Variants in MKS1 observed in about 807,000 individuals in gnomAD.
The protein encoded by MKS1 is MKS transition zone complex subunit 1.
Under a neutral mutation model 83.7 loss-of-function variants are expected in MKS1, and 70 were observed. That is an observed-to-expected ratio of 0.84 (90% confidence interval 0.69 to 1.02). MKS1 has a LOEUF of 1.02. MKS1 is among the 50% of genes least tolerant of loss of function. The pLI is 0.00. For missense variants in MKS1, 681 were observed against 726.9 expected, an observed-to-expected ratio of 0.94 and a Z score of 0.73; for synonymous variants, 251 against 273.4, an observed-to-expected ratio of 0.92 and a Z score of 0.81.
rs1968818550 is a variant in MKS1 at position 58,210,656 on chromosome 17, T to C, written c.1024+3A>G. 1.2e-6 allele frequency: 2 copies of C among 1,612,522 alleles called. No individual in the cohort carries two copies. Among genetic ancestry groups the C allele is most frequent in the Admixed American group, 1.7e-5 (1 of 59,998 alleles). ...AAAGGAGAGACTTAAGAATATTACT[T>C]ACGAGCAGTTGGCAATTCTACAAAG... is the stretch of plus-strand genomic sequence containing the variant. On this transcript the variant is annotated splice_donor_region_variant and intron_variant, in intron 11 of 17. Transcript: ENST00000393119.
rs979320319 is a variant in MKS1, at chr17:58,209,842, G to C, written c.1024+817C>G. Among the ~76,000 whole-genome samples, 1 of 152,202 alleles carries C rather than the reference G, an allele frequency of 6.6e-6. No homozygotes were observed. The highest frequency in any genetic ancestry group is 2.4e-5 in the African/African-American group (1 of 41,454). On this transcript the variant is annotated intron_variant, in intron 11 of 17. Coordinates refer to ENST00000393119, the MANE Select transcript of MKS1 (RefSeq NM_017777.4). This position sits in a 1 kb window ranked among gnomAD's most constrained non-coding sequence, Gnocchi z 4.1. ...GTCTGTGGCAAATCAACGGCAAATG[G>C]GAGCAAGGCAGGAAGCAGGGGGATA...
At chr17:58,211,757 G>C (rs1968890262) in intron 9 of MKS1, among the ~76,000 whole-genome samples, 1 of 132,904 alleles carries the variant, frequency 7.5e-6, no homozygotes. Flanking sequence ...GTAGGGATGT[G>C]GTCTCACTAT....
chr17:58,207,343 T>G, intron 14 of MKS1, 125 bp from the exon 15 acceptor site: 2 of 1,328,690 alleles, frequency 1.5e-6, no homozygotes, highest in East Asian at 4.7e-5. Context: ...ACCTGGCCTC[T>G]GGTGCAGGTT....
chr17:58,212,952 C>G (rs983121973), intron 8 of MKS1, 30 bp downstream of exon 8: 9 of 1,605,046 alleles, frequency 5.6e-6, no homozygotes, highest in Non-Finnish European at 6.8e-6. Flanking sequence ...AGGCTCATCC[C>G]TTGGATACTT....
chr17:58,213,028 T>TG lies in MKS1; in HGVS notation c.811dup (p.His271ProfsTer34). 4 of 1,614,092 alleles carry TG rather than the reference T, an allele frequency of 2.5e-6. No individual in the cohort carries two copies. The highest frequency in any genetic ancestry group is 3.4e-6 in the Non-Finnish European group (4 of 1,180,016). ...CCGCTCCTCCTCCTCCGGCTGTGCG[T>TG]GGGGGGAAACATTGTCGATCGTATA... On this transcript the variant is annotated frameshift_variant, in exon 8 of 18. Transcript: ENST00000393119. LOFTEE classifies it high-confidence loss of function.
rs374203920 is a variant in MKS1, at chr17:58,212,943, G to A, written c.858+39C>T. 226 of 1,590,836 alleles carry A rather than the reference G, an allele frequency of 1.4e-4. 2 individuals carry two copies. The highest frequency in any genetic ancestry group is 2.2e-5 in the Non-Finnish European group (25 of 1,158,942). ...AAATGGTCTCAGCTCCAGGCACTGA[G>A]GCTCATCCCTTGGATACTTGGAATG... On this transcript the variant is annotated intron_variant, in intron 8 of 17. Coordinates refer to ENST00000393119, the MANE Select transcript of MKS1 (RefSeq NM_017777.4).
chr17:58,214,331 A>T lies in MKS1; in HGVS notation c.572T>A (p.Val191Asp), dbSNP rs1474687527. The change falls in exon 6 of 18, where the codon GTC becomes GAC. Residue 191 changes from valine (V) to aspartate (D), a missense_variant. Val to Asp is a radical substitution (Grantham distance 152). Around this residue, in one of 3 missense-constraint regions of MKS1, gnomAD observed 365 missense variants for 383.8 expected, o/e 0.95. Transcript: ENST00000393119. ...GGTGTTAATGACGTGGTTGTTCCTG[A>T]CAAACTCTTCTGAGGGCTCCCAGGT... ...IVTWEPSEEF[V>D]RNNHVINTPL... is the part of the protein sequence containing the mutation. 1 of 1,613,906 alleles carries T rather than the reference A, an allele frequency of 6.2e-7. No individual in the cohort carries two copies. The highest frequency in any genetic ancestry group is 8.5e-7 in the Non-Finnish European group (1 of 1,180,028).
At chr17:58,206,201 G>A in intron 17 of MKS1, 31 bp from the exon 18 acceptor site, 15 of 1,614,040 alleles carry the variant, frequency 9.3e-6, no homozygotes, top group Non-Finnish European at 1.3e-5. Context: ...CTATTTGGCT[G>A]CCATATGGTA....
chr17:58,216,575 T>C (rs904350670), intron 3 of MKS1, 91 bp downstream of exon 3: 7 of 1,378,286 alleles, frequency 5.1e-6, no homozygotes, highest in Middle Eastern at 1.8e-4. Flanking sequence ...TGTTACAACC[T>C]GTCTGGAAAT....
Position 58,206,101 on chromosome 17 carries a change from G to A in MKS1, c.1658C>T (p.Pro553Leu). Residue 553 changes from proline to leucine, a missense_variant, in exon 18 of 18, where the codon CCC becomes CTC. By Grantham distance (98) the Pro-to-Leu change is moderately conservative. Around this residue, in one of 3 missense-constraint regions of MKS1, gnomAD observed 310 missense variants for 321.7 expected, o/e 0.96. Coordinates refer to ENST00000393119, the MANE Select transcript of MKS1 (RefSeq NM_017777.4). ...GAGCTAGGAGACCAGGGTTCCAGAGGGGCTCACTAGGTCCTGCGGGAGGCT... is the reference window on the plus strand; with the variant it reads ...GAGCTAGGAGACCAGGGTTCCAGAGAGGCTCACTAGGTCCTGCGGGAGGCT... ...RESLPQDLVS[P>L]SGTLVS The A allele has an allele frequency of 1.2e-6, 2 of 1,612,744 alleles. No homozygotes were observed. The highest frequency in any genetic ancestry group is 1.7e-6 in the Non-Finnish European group (2 of 1,179,656).
Position 58,207,103 on chromosome 17 carries a change from C to A in MKS1, c.1389G>T (p.Arg463=), listed in dbSNP as rs773269657. The change falls in exon 15 of 18, where the codon CGG becomes CGT. Residue 463 remains arginine (R), a synonymous_variant. Transcript: ENST00000393119. ...AAGTCACCTTGAAGGATCCTGGTAT[C>A]CGTACATAGGAGAGGTCCTCCAGTT... The part of the protein sequence containing the change: ...SLELEDLSYV[R]IPGSFKGERL... The A allele has an allele frequency of 3.1e-6, 5 of 1,614,170 alleles. No homozygotes were observed. In the South Asian group the frequency reaches 4.4e-5, roughly 14 times the overall value.
chr17:58,212,514 G>T, intron 8 of MKS1, 80 bp from the exon 9 acceptor site: 1 of 1,476,804 alleles, frequency 6.8e-7, no homozygotes, highest in Non-Finnish European at 9.5e-7. Context: ...AAGAAGAAAA[G>T]CAATAGTGGG....
At chr17:58,216,555 A>G in intron 3 of MKS1, 111 bp downstream of exon 3, 1 of 1,205,758 alleles carries the variant, frequency 8.3e-7, no homozygotes, top group Non-Finnish European at 1.2e-6. Context: ...CAACAGGGGA[A>G]AGTATAAACT....
Position 58,213,064 on chromosome 17 carries a change from T to C in MKS1, c.776A>G (p.Glu259Gly). 6.2e-7 allele frequency: 1 copy of C among 1,614,114 alleles called. No homozygotes were observed. Among genetic ancestry groups the C allele is most frequent in the Non-Finnish European group, 8.5e-7 (1 of 1,180,016 alleles). The part of the protein sequence containing the change: ...YRIETEGEKQ[E>G]LWKYTIDNVS... ...ATTGTCGATCGTATATTTCCACAGC[T>C]CCTGCTTCTCCCCCTCCGTCTCAAT... The change falls in exon 8 of 18, where the codon GAG (glutamate) becomes GGG (glycine). Residue 259 changes from glutamate (E) to glycine (G), a missense_variant. By Grantham distance (98) the Glu-to-Gly change is moderately conservative (BLOSUM62 -2). This residue lies in a region of MKS1 where 365 missense variants were observed against 383.8 expected (regional missense o/e 0.95). Transcript: ENST00000393119.
chr17:58,216,552 G>C, intron 3 of MKS1, 114 bp downstream of exon 3: 1 of 1,198,048 alleles, frequency 8.3e-7, no homozygotes, highest in Non-Finnish European at 1.2e-6. Flanking sequence ...ACACAACAGG[G>C]GAAAGTATAA....
At chr17:58,206,408 G>A (rs368525558) in intron 16 of MKS1, 28 bp from the exon 17 acceptor site, 50 of 1,613,834 alleles carry the variant, frequency 3.1e-5, no homozygotes, top group South Asian at 2.1e-4. Flanking sequence ...ACATGGTTAC[G>A]GCTGTCTCCA....
At position 58,206,120 on chromosome 17, in the gene MKS1, G is replaced by A. The variant is rs751425104; in HGVS notation, c.1639C>T (p.Pro547Ser). The A allele has an allele frequency of 6.2e-7, 1 of 1,613,556 alleles. No homozygotes were observed. The highest frequency in any genetic ancestry group is 8.5e-7 in the Non-Finnish European group (1 of 1,179,876). ...CCAGAGGGGCTCACTAGGTCCTGCG[G>A]GAGGCTTTCCCGGGCCTCCTGCATG... ...RRMQEARESL[P>S]QDLVSPSGTL... Residue 547 changes from proline (P) to serine (S), a missense_variant, in exon 18 of 18, where the codon CCG becomes TCG. Coordinates refer to ENST00000393119, the MANE Select transcript of MKS1 (RefSeq NM_017777.4).
At chr17:58,208,260 G>A in intron 12 of MKS1, 86 bp from the exon 13 acceptor site, 2 of 1,310,864 alleles carry the variant, frequency 1.5e-6, no homozygotes, top group Non-Finnish European at 2.2e-6. Flanking sequence ...TCTTCACAAG[G>A]GAAAAAGAAA....
At chr17:58,206,611 G>A in intron 15 of MKS1, 64 bp from the exon 16 acceptor site, 1 of 1,461,238 alleles carries the variant, frequency 6.8e-7, no homozygotes, top group Non-Finnish European at 9.5e-7. Context: ...GCACCATGCT[G>A]GCCTCACCCC....
Sources: allele counts gnomAD v4.1 joint callset (sites outside exome capture counted in the v4.1 genomes callset), GRCh38; gene constraint gnomAD v4.1.1; regional missense constraint gnomAD v4.1.1; non-coding constraint Gnocchi (gnomAD v3.1); transcripts MANE v1.5; gene names NCBI Gene and HGNC (gene_info 2026-07-23, HGNC 2026-07-21).